The following KIAA0825 variants were observed in gnomAD, a reference collection of about 807,000 sequenced individuals.
The protein encoded by KIAA0825 is KIAA0825.
In KIAA0825, 119 loss-of-function variants were observed where a neutral mutation model predicts 147.6. The observed-to-expected ratio is 0.81, with a 90% CI of 0.69 to 0.94. The LOEUF (loss-of-function observed/expected upper bound fraction) is 0.94. Ranked by LOEUF, KIAA0825 falls within the 40% of genes least tolerant of loss-of-function variation. The pLI is 0.00. For synonymous variants in KIAA0825, 470 were observed against 518.1 expected, an observed-to-expected ratio of 0.91 and a Z score of 1.26; for missense variants, 1,381 against 1,472.7, an observed-to-expected ratio of 0.94 and a Z score of 1.02.
At chr5:94,325,861 A>G (rs1453854185) in intron 20 of KIAA0825, among the ~76,000 whole-genome samples, 3 of 152,024 alleles carry the variant, frequency 2.0e-5, no homozygotes, top group Non-Finnish European at 2.9e-5. Flanking sequence ...ATGTGAATAC[A>G]TATTTTGGCC....
chr5:94,554,371 T>A (rs1453417216), intron 2 of KIAA0825, among the ~76,000 whole-genome samples: 1 of 152,168 alleles, frequency 6.6e-6, no homozygotes. Flanking sequence ...TTATTCTTTG[T>A]ATTGCTGGTT....
rs771486226 is a variant in KIAA0825 at position 94,182,250 on chromosome 5, C to CTTTTTTTTTTTTTTTTTTTTTTTTTTT, written c.3711-28153_3711-28127dup. ...CAAGACATAACTTAAAATGTCCCTTCTTTTTTTTTTTTTTTTTTTTTTTTT... is the reference window on the plus strand; with the variant it reads ...CAAGACATAACTTAAAATGTCCCTTCTTTTTTTTTTTTTTTTTTTTTTTTTTTTTTTTTTTTTTTTTTTTTTTTTTTT... On this transcript the variant is annotated intron_variant, in intron 20 of 20. Transcript: ENST00000682413. Among the ~76,000 whole-genome samples, 15 of 38,288 alleles carry CTTTTTTTTTTTTTTTTTTTTTTTTTTT rather than the reference C, an allele frequency of 3.9e-4. 7 individuals carry two copies. Among genetic ancestry groups the CTTTTTTTTTTTTTTTTTTTTTTTTTTT allele is most frequent in the African/African-American group, 8.9e-4 (8 of 9,034 alleles). The allele number at this position is 38,288 out of a possible 152,430, so 25.1% of individuals were successfully genotyped here.
At chr5:94,611,763 C>G (rs1477758669) in intron 1 of KIAA0825, 5 of 151,178 alleles carry the variant, frequency 3.3e-5, no homozygotes, top group Non-Finnish European at 7.4e-5. Flanking sequence ...GTGGGCAACA[C>G]AGTGAGACCC....
chr5:94,249,455 C>A (rs182868686), intron 20 of KIAA0825, among the ~76,000 whole-genome samples: 1 of 152,018 alleles, frequency 6.6e-6, no homozygotes, highest in African/African-American at 2.4e-5. Context: ...CAATGTGAGG[C>A]CTCTTGTTAA....
intron 20 of KIAA0825, among the ~76,000 whole-genome samples, chr5:94,352,655 T>C (rs1027280862): frequency 3.3e-5 from 5 of 152,106 alleles, no homozygotes; most frequent in African/African-American, 2.4e-5. Context: ...AATTGCAAAA[T>C]CATGGAGCCA....
chr5:94,254,460 A>G (rs913651144), intron 20 of KIAA0825, among the ~76,000 whole-genome samples: 1 of 152,128 alleles, frequency 6.6e-6, no homozygotes, highest in African/African-American at 2.4e-5. Context: ...GAGAGCATGG[A>G]CGGATTAGTG....
chr5:94,361,436 ACATATTAG>A (rs1745047353), intron 20 of KIAA0825, among the ~76,000 whole-genome samples: 1 of 152,220 alleles, frequency 6.6e-6, no homozygotes, highest in Admixed American at 6.5e-5. Context: ...AAAATGAAAA[ACATATTAG>A]CAAACTGAAC....
At position 94,153,221 on chromosome 5, in the gene KIAA0825, A is replaced by G. The variant is rs1766731256; in HGVS notation, c.*786T>C. The G allele has an allele frequency of 6.6e-6, 1 of 151,930 alleles. No homozygotes were observed. The highest frequency in any genetic ancestry group is 1.5e-5 in the Non-Finnish European group (1 of 68,004). 9.4% of individuals were successfully genotyped at this position (151,930 alleles called of 1,614,324 possible). A position where few individuals can be genotyped will look rare whatever the true frequency, so the allele number is the denominator to read the frequency against. ...TATCAATACAATGAAAAAATTTTAA[A>G]GTAACACATTATATGAGCTAATGAG... is the stretch of plus-strand genomic sequence containing the variant. On this transcript the variant is annotated 3_prime_UTR_variant, in exon 21 of 21. Coordinates refer to ENST00000682413, the MANE Select transcript of KIAA0825 (RefSeq NM_001145678.3).
chr5:94,524,062 A>G lies in KIAA0825; in HGVS notation c.168T>C (p.Ile56=). 6.2e-7 allele frequency: 1 copy of G among 1,609,386 alleles called. No individual in the cohort carries two copies. Among genetic ancestry groups the G allele is most frequent in the Non-Finnish European group, 8.5e-7 (1 of 1,177,142 alleles). Residue 56 remains isoleucine, a synonymous_variant, in exon 4 of 21, where the codon ATT becomes ATC. Transcript: ENST00000682413. ...KHCIKEIQSE[I]NKQCPGVQLQ... Reference sequence around the variant, plus strand: ...GCTGCACACCTGGACATTGTTTGTTAATTTCGGACTGTATCTCTTTAATGC... The same window carrying G: ...GCTGCACACCTGGACATTGTTTGTTGATTTCGGACTGTATCTCTTTAATGC...
At chr5:94,288,675 A>G (rs1171943105) in intron 20 of KIAA0825, among the ~76,000 whole-genome samples, 3 of 152,200 alleles carry the variant, frequency 2.0e-5, no homozygotes. Flanking sequence ...AAATGTGAGA[A>G]AAAACTTAAA....
chr5:94,265,544 A>G (rs1243361503), intron 20 of KIAA0825, among the ~76,000 whole-genome samples: 1 of 152,152 alleles, frequency 6.6e-6, no homozygotes, highest in Non-Finnish European at 1.5e-5. Flanking sequence ...TACACCTGCA[A>G]TCCCAACACT....
At chr5:94,330,727 C>A (rs60335734) in intron 20 of KIAA0825, among the ~76,000 whole-genome samples, 2 of 151,680 alleles carry the variant, frequency 1.3e-5, no homozygotes, top group African/African-American at 4.8e-5. Flanking sequence ...AGAGAAAAAT[C>A]AATGAAATCA....
intron 20 of KIAA0825, among the ~76,000 whole-genome samples, chr5:94,274,948 G>A (rs985206949): frequency 9.2e-5 from 14 of 152,202 alleles, no homozygotes; most frequent in African/African-American, 2.9e-4. Flanking sequence ...ATTGGCTCAG[G>A]CTCCAGCTCA....
intron 2 of KIAA0825, among the ~76,000 whole-genome samples, chr5:94,549,188 G>T (rs1775042492): frequency 6.6e-6 from 1 of 151,930 alleles, no homozygotes; most frequent in Non-Finnish European, 1.5e-5. Context: ...AAGACCATAC[G>T]GTAGGTCACA....
chr5:94,579,078 C>T lies in KIAA0825; in HGVS notation c.-2+3355G>A, dbSNP rs1214219993. Among the ~76,000 whole-genome samples, 4 of 152,164 alleles carry T rather than the reference C, an allele frequency of 2.6e-5. No individual in the cohort carries two copies. In the South Asian group the frequency reaches 6.2e-4, roughly 24 times the overall value. On this transcript the variant is annotated intron_variant, in intron 2 of 20. Transcript: ENST00000682413. Reference sequence around the variant, plus strand: ...CTGGGACTACAGGAGCGTGCCACCACACCCGGCTAATTTTTGTATTTTTAG... The same window carrying T: ...CTGGGACTACAGGAGCGTGCCACCATACCCGGCTAATTTTTGTATTTTTAG...
At chr5:94,397,403 A>G (rs1321057067) in intron 16 of KIAA0825, among the ~76,000 whole-genome samples, 1 of 152,110 alleles carries the variant, frequency 6.6e-6, no homozygotes, top group Non-Finnish European at 1.5e-5. Context: ...GCTATTTCAC[A>G]TTTATGATCT....
intron 1 of KIAA0825, among the ~76,000 whole-genome samples, chr5:94,612,486 C>T (rs1789130978): frequency 6.6e-6 from 1 of 152,072 alleles, no homozygotes; most frequent in South Asian, 2.1e-4. Flanking sequence ...GTCAGACGTG[C>T]ATTGAGGCCT....
intron 5 of KIAA0825, 134 bp from the exon 6 acceptor site, chr5:94,485,064 A>C: frequency 4.0e-6 from 2 of 497,714 alleles, no homozygotes; most frequent in Non-Finnish European, 6.4e-6. Flanking sequence ...TTAGTTCATT[A>C]AGAAATACAT....
intron 2 of KIAA0825, among the ~76,000 whole-genome samples, chr5:94,546,469 C>T (rs1051409796): frequency 6.6e-6 from 1 of 151,978 alleles, no homozygotes; most frequent in African/African-American, 2.4e-5. Context: ...TGGTGGTGGC[C>T]ACAGGGGTGC....
Sources: gnomAD v4.1 joint callset for allele counts (sites outside exome capture counted in the v4.1 genomes callset) on GRCh38, gnomAD v4.1.1 for gene constraint, MANE v1.5 for transcripts, NCBI Gene and HGNC (gene_info 2026-07-23, HGNC 2026-07-21) for gene names.